The following ENDOD1 variants were observed in gnomAD, a reference collection of about 807,000 sequenced individuals.
ENDOD1 encodes endonuclease domain-containing 1 protein.
A neutral mutation model predicts 6.5 loss-of-function variants in ENDOD1; 9 were observed. The observed-to-expected ratio is 1.39, with a 90% confidence interval of 0.84 to 2.43. The LOEUF (loss-of-function observed/expected upper bound fraction) is 2.43. Among genes scored for constraint, ENDOD1 ranks in the 30% most tolerant of loss-of-function variants. ENDOD1 has a pLI of 0.00. For missense variants in ENDOD1, 648 were observed against 635.5 expected (o/e 1.02, Z -0.21); for synonymous variants, 255 against 255.2 (o/e 1.00, Z 0.01).
rs1034754430 is a variant in ENDOD1 at position 95,129,645 on chromosome 11, G to A, written c.*66G>A. ...AGCTGGAATAGTTTGTCTTTACAAT[G>A]GGTTTCTGTTCACTGTCAGTTATCA... is the stretch of plus-strand genomic sequence containing the variant. On this transcript the variant is annotated 3_prime_UTR_variant, in exon 2 of 2. Coordinates refer to ENST00000278505, the MANE Select transcript of ENDOD1 (RefSeq NM_015036.3). 1.2e-5 allele frequency: 18 copies of A among 1,520,550 alleles called. No individual in the cohort carries two copies. The highest frequency in any genetic ancestry group is 1.5e-5 in the Non-Finnish European group (17 of 1,125,796). The allele number at this position is 1,520,550 out of a possible 1,614,324, so 94.2% of individuals were successfully genotyped here. A position where few individuals can be genotyped will look rare whatever the true frequency, so the allele number is the denominator to read the frequency against.
At chr11:95,106,373 A>G (rs782309978) in intron 1 of ENDOD1, among the ~76,000 whole-genome samples, 2 of 152,204 alleles carry the variant, frequency 1.3e-5, no homozygotes, top group Admixed American at 6.5e-5. Flanking sequence ...CATTACAGCC[A>G]TGTAACTGAC....
At chr11:95,096,252 T>TTTTTTTTTTTTTTTTTTC (rs56778814) in intron 1 of ENDOD1, among the ~76,000 whole-genome samples, 1 of 138,372 alleles carries the variant, frequency 7.2e-6, no homozygotes, top group Non-Finnish European at 1.6e-5. Flanking sequence ...TTTTTTTTTT[T>TTTTTTTTTTTTTTTTTTC]CAAATTTCCT....
chr11:95,110,579 A>ATGTGTGG (rs1555111812), intron 1 of ENDOD1, among the ~76,000 whole-genome samples: 17 of 135,254 alleles, frequency 1.3e-4, no homozygotes, highest in African/African-American at 4.5e-4. Flanking sequence ...AAGTCCGTGT[A>ATGTGTGG]TGTATGTGTG....
intron 1 of ENDOD1, among the ~76,000 whole-genome samples, chr11:95,119,207 G>T (rs1195483026): frequency 6.6e-6 from 1 of 152,172 alleles, no homozygotes; most frequent in Non-Finnish European, 1.5e-5. Context: ...TGTTTTCCTG[G>T]ATGGTCTTGA....
intron 1 of ENDOD1, among the ~76,000 whole-genome samples, chr11:95,119,136 C>T (rs1859238819): frequency 6.6e-6 from 1 of 152,200 alleles, no homozygotes; most frequent in Admixed American, 6.5e-5. Flanking sequence ...TGAAAAGTCA[C>T]ATATCTCTGT....
chr11:95,117,391 A>G (rs2134171441), intron 1 of ENDOD1, among the ~76,000 whole-genome samples: 2 of 152,380 alleles, frequency 1.3e-5, no homozygotes, highest in East Asian at 1.9e-4. Context: ...CCTGGGCAAC[A>G]GAGTAAGACT....
At chr11:95,111,066 C>G (rs1474319435) in intron 1 of ENDOD1, among the ~76,000 whole-genome samples, 2 of 152,196 alleles carry the variant, frequency 1.3e-5, no homozygotes, top group African/African-American at 4.8e-5. Flanking sequence ...TTGGTACTGG[C>G]AGGCTCCAAA....
At chr11:95,107,712 G>A (rs1253078455) in intron 1 of ENDOD1, among the ~76,000 whole-genome samples, 1 of 152,120 alleles carries the variant, frequency 6.6e-6, no homozygotes, top group African/African-American at 2.4e-5. Flanking sequence ...CCAGGCTGGA[G>A]TGCAGTGGCG....
intron 1 of ENDOD1, among the ~76,000 whole-genome samples, chr11:95,103,609 C>T (rs1555111144): frequency 1.3e-5 from 2 of 152,180 alleles, no homozygotes; most frequent in Non-Finnish European, 2.9e-5. Context: ...AGATTGTTAG[C>T]CGCTAAGGGG....
chr11:95,096,227 C>CTTTTTTTTTTTTTTTTTTTTT lies in ENDOD1; in HGVS notation c.300+6005_300+6025dup, dbSNP rs10660230. 2.4e-4 allele frequency among the ~76,000 whole-genome samples: 12 copies of CTTTTTTTTTTTTTTTTTTTTT among 49,964 alleles called. 4 individuals are homozygous for CTTTTTTTTTTTTTTTTTTTTT. The highest frequency in any genetic ancestry group is 4.2e-4 in the African/African-American group (5 of 12,022). 32.8% of individuals were successfully genotyped at this position (49,964 alleles called of 152,430 possible). On this transcript the variant is annotated intron_variant, in intron 1 of 1. Transcript: ENST00000278505. ...CTAGAATTACTGTTAGTCAAGAAAG[C>CTTTTTTTTTTTTTTTTTTTTT]TTTTTTTTTTTTTTTTTTTTTTTTT... is the stretch of plus-strand genomic sequence containing the variant.
At chr11:95,121,807 C>T (rs1859263936) in intron 1 of ENDOD1, among the ~76,000 whole-genome samples, 2 of 152,116 alleles carry the variant, frequency 1.3e-5, no homozygotes, top group African/African-American at 4.8e-5. Flanking sequence ...TTTTCTAAAA[C>T]CTACTTAACA....
intron 1 of ENDOD1, among the ~76,000 whole-genome samples, chr11:95,127,435 A>C (rs777648285): frequency 2.6e-5 from 4 of 152,238 alleles, no homozygotes; most frequent in Non-Finnish European, 5.9e-5. Flanking sequence ...GGGGAGATTA[A>C]GTTCAAACAG....
rs186700915 is a variant in ENDOD1 at position 95,119,917 on chromosome 11, A to C, written c.301-8460A>C. 1.1e-3 allele frequency among the ~76,000 whole-genome samples: 160 copies of C among 152,248 alleles called. 1 individual carries two copies. The highest frequency in any genetic ancestry group is 7.2e-3 in the Admixed American group (110 of 15,296). ...TCTCACTCTTCCCTCCCCTTTCCAA[A>C]GGCAGAGGAGCCTCACCCTGTGGGC... On this transcript the variant is annotated intron_variant, in intron 1 of 1. Transcript: ENST00000278505.
intron 1 of ENDOD1, 44 bp from the exon 2 acceptor site, chr11:95,128,332 TG>T (rs1308932169): frequency 1.3e-6 from 2 of 1,578,476 alleles, no homozygotes; most frequent in South Asian, 2.4e-5. Context: ...GCTGCCTCTG[TG>T]CTGTAAGCAG....
At position 95,129,099 on chromosome 11, in the gene ENDOD1, G is replaced by A. The variant is rs372432077; in HGVS notation, c.1023G>A (p.Lys341=). 3.1e-6 allele frequency: 5 copies of A among 1,613,960 alleles called. No homozygotes were observed. Among genetic ancestry groups the A allele is most frequent in the Non-Finnish European group, 4.2e-6 (5 of 1,180,028 alleles). ...GCTTCATTGCTACCCCATTCATCAAGCTTTTTCAATTAATTTATTACCTTG... is the reference window on the plus strand; with the variant it reads ...GCTTCATTGCTACCCCATTCATCAAACTTTTTCAATTAATTTATTACCTTG... ...LMGFIATPFI[K]LFQLIYYLVV... Residue 341 remains lysine, a synonymous_variant, in exon 2 of 2, where the codon AAG becomes AAA. Coordinates refer to ENST00000278505, the MANE Select transcript of ENDOD1 (RefSeq NM_015036.3).
intron 1 of ENDOD1, among the ~76,000 whole-genome samples, chr11:95,114,102 A>AT (rs1301531705): frequency 6.6e-6 from 1 of 152,100 alleles, no homozygotes; most frequent in Non-Finnish European, 1.5e-5. Flanking sequence ...TCTTTTGCTC[A>AT]TTTTTTATGT....
At position 95,132,219 on chromosome 11, in the gene ENDOD1, C is replaced by G. The variant is rs958525286; in HGVS notation, c.*2640C>G. 6.6e-6 allele frequency: 1 copy of G among 152,670 alleles called. No homozygotes were observed. Among genetic ancestry groups the G allele is most frequent in the African/African-American group, 2.4e-5 (1 of 41,456 alleles). The allele number at this position is 152,670 out of a possible 1,614,324, so 9.5% of individuals were successfully genotyped here. A position where few individuals can be genotyped will look rare whatever the true frequency, so the allele number is the denominator to read the frequency against. ...ATCAGCTATGCCTTTGGACACTTCT[C>G]TTTTCCATTGTGCCTTTTGAATGTT... is the stretch of plus-strand genomic sequence containing the variant. On this transcript the variant is annotated 3_prime_UTR_variant, in exon 2 of 2. Transcript: ENST00000278505.
intron 1 of ENDOD1, among the ~76,000 whole-genome samples, chr11:95,125,438 T>TTTATTA (rs201596098): frequency 6.6e-5 from 10 of 151,524 alleles, no homozygotes; most frequent in East Asian, 3.9e-4. Flanking sequence ...AATGAGCTTC[T>TTTATTA]TTATTATTAT....
intron 1 of ENDOD1, among the ~76,000 whole-genome samples, chr11:95,110,574 C>CGTGTGTGTGTGTGT (rs758027047): frequency 7.2e-6 from 1 of 138,702 alleles, no homozygotes; most frequent in South Asian, 2.3e-4. Flanking sequence ...CTTTCAAGTC[C>CGTGTGTGTGTGTGT]GTGTATGTAT....
Sources: gnomAD v4.1 joint callset for allele counts (sites outside exome capture counted in the v4.1 genomes callset) on GRCh38, gnomAD v4.1.1 for gene constraint, MANE v1.5 for transcripts, NCBI Gene and HGNC (gene_info 2026-07-23, HGNC 2026-07-21) for gene names.